DLGAP2: variants seen among roughly 807,000 people sequenced by gnomAD.
DLGAP2 encodes the protein disks large-associated protein 2.
In DLGAP2, 26 loss-of-function variants were observed where a neutral mutation model predicts 100.3. The ratio of observed to expected loss-of-function variants is 0.26; its 90% CI spans 0.19 to 0.36. The LOEUF is 0.36. Among genes scored for constraint, DLGAP2 ranks in the 10% least tolerant of loss-of-function variants. DLGAP2 has a pLI of 1.00. For synonymous variants in DLGAP2, 886 were observed against 630.1 expected, an observed-to-expected ratio of 1.41 and a Z score of -6.08; for missense variants, 1,858 against 1,453.2, an observed-to-expected ratio of 1.28 and a Z score of -4.53.
intron 2 of DLGAP2, among the ~76,000 whole-genome samples, chr8:1,123,263 G>A (rs1260278088): frequency 6.6e-6 from 1 of 152,100 alleles, no homozygotes; most frequent in African/African-American, 2.4e-5. Flanking sequence ...AAAGAATAAT[G>A]AAAAATGTTT....
intron 2 of DLGAP2, among the ~76,000 whole-genome samples, chr8:1,256,999 G>A (rs947344286): frequency 3.3e-5 from 5 of 152,038 alleles, no homozygotes; most frequent in Admixed American, 1.3e-4. Flanking sequence ...TCCTGCGTCC[G>A]ATGGCTTCTA....
At chr8:1,001,838 T>C (rs1800966367) in intron 2 of DLGAP2, among the ~76,000 whole-genome samples, 1 of 152,154 alleles carries the variant, frequency 6.6e-6, no homozygotes, top group Non-Finnish European at 1.5e-5. Context: ...TCAGAACAGA[T>C]CCTGGCCTGA....
intron 1 of DLGAP2, among the ~76,000 whole-genome samples, chr8:852,735 A>G (rs1409918051): frequency 6.6e-6 from 1 of 152,226 alleles, no homozygotes; most frequent in East Asian, 1.9e-4. Context: ...ACCCAAACCC[A>G]GCAAGGCTGA....
intron 2 of DLGAP2, among the ~76,000 whole-genome samples, chr8:1,156,102 C>G (rs1367486536): frequency 6.6e-6 from 1 of 152,162 alleles, no homozygotes. Context: ...ACAGCCGAGC[C>G]CTGTTTCAGG....
chr8:1,606,382 A>G (rs1173248984), intron 6 of DLGAP2, among the ~76,000 whole-genome samples: 2 of 152,112 alleles, frequency 1.3e-5, no homozygotes, highest in East Asian at 3.9e-4. Context: ...TTACACCAAA[A>G]AGAAACCCTG....
intron 3 of DLGAP2, among the ~76,000 whole-genome samples, chr8:1,339,845 A>G (rs1801378741): frequency 6.6e-6 from 1 of 152,234 alleles, no homozygotes; most frequent in Non-Finnish European, 1.5e-5. Context: ...AGCTCTGATA[A>G]TAGATAAAAG....
At chr8:1,154,961 A>T (rs959114901) in intron 2 of DLGAP2, among the ~76,000 whole-genome samples, 4 of 152,050 alleles carry the variant, frequency 2.6e-5, no homozygotes, top group Non-Finnish European at 4.4e-5. Context: ...GCAGCCCCTC[A>T]CCAGGACGTG....
chr8:1,630,922 TCCGGGTGTCCCGAGGGTCTC>T lies in DLGAP2; in HGVS notation c.1591-1904_1591-1885del, dbSNP rs1453007559. Among the ~76,000 whole-genome samples, 15 of 146,136 alleles carry T rather than the reference TCCGGGTGTCCCGAGGGTCTC, an allele frequency of 1.0e-4. No individual in the cohort carries two copies. In the East Asian group the frequency reaches 3.3e-3, roughly 32 times the overall value. ...GTGTCCCGAGGGTCTGGGCGGGAGG[TCCGGGTGTCCCGAGGGTCTC>T]GGCGGGAGGTCCCAGTGTCCCGAGG... On this transcript the variant is annotated intron_variant, in intron 7 of 14. Coordinates refer to ENST00000637795, the MANE Select transcript of DLGAP2 (RefSeq NM_001346810.2).
intron 2 of DLGAP2, among the ~76,000 whole-genome samples, chr8:1,190,676 C>A (rs960965991): frequency 1.3e-5 from 2 of 152,148 alleles, no homozygotes; most frequent in Non-Finnish European, 2.9e-5. Context: ...CTCATCCTCC[C>A]AACCCCGTGT....
intron 3 of DLGAP2, among the ~76,000 whole-genome samples, chr8:1,272,925 T>C (rs1799611798): frequency 6.6e-6 from 1 of 151,910 alleles, no homozygotes; most frequent in Admixed American, 6.6e-5. Flanking sequence ...ACGTAAAAGG[T>C]GAAAAGAGGA....
At chr8:1,408,077 G>T (rs1796623761) in intron 3 of DLGAP2, among the ~76,000 whole-genome samples, 1 of 152,214 alleles carries the variant, frequency 6.6e-6, no homozygotes, top group Non-Finnish European at 1.5e-5. Flanking sequence ...GCCCCCCAGG[G>T]GATAGAATCG....
chr8:1,113,876 T>A (rs184243794), intron 2 of DLGAP2, among the ~76,000 whole-genome samples: 175 of 152,320 alleles, frequency 1.1e-3, no homozygotes, highest in African/African-American at 4.1e-3. Context: ...GTTCCTTCAA[T>A]ACCTAGTATA....
At chr8:1,641,555 G>C (rs1305474806) in intron 8 of DLGAP2, among the ~76,000 whole-genome samples, 10 of 152,098 alleles carry the variant, frequency 6.6e-5, no homozygotes, top group Admixed American at 6.5e-4. Context: ...TCATAGTCCA[G>C]GGCTCTTGCA....
chr8:1,120,577 T>C (rs1455946462), intron 2 of DLGAP2, among the ~76,000 whole-genome samples: 1 of 151,942 alleles, frequency 6.6e-6, no homozygotes, highest in Non-Finnish European at 1.5e-5. Context: ...TCCTTGTCCA[T>C]TAGGACCCAT....
chr8:1,501,487 T>G (rs901090248), intron 4 of DLGAP2, 56 bp downstream of exon 4: 17 of 1,492,040 alleles, frequency 1.1e-5, no homozygotes, highest in Non-Finnish European at 1.4e-5. Context: ...CCGGGCATGC[T>G]CCGGGCACCT....
Position 1,701,517 on chromosome 8 carries a change from TCCCGCGCTC to T in DLGAP2, c.*119_*127del. On this transcript the variant is annotated 3_prime_UTR_variant, in exon 15 of 15. Transcript: ENST00000637795. ...CTCCTCCCGCTGAACACGTCCTCGCTCCCGCGCTCCCCGCGCCCCGGACACAGCGGGACG... is the reference window on the plus strand; with the variant it reads ...CTCCTCCCGCTGAACACGTCCTCGCTCCCGCGCCCCGGACACAGCGGGACG... 1 of 1,171,986 alleles carries T rather than the reference TCCCGCGCTC, an allele frequency of 8.5e-7. No individual in the cohort carries two copies. 72.6% of individuals were successfully genotyped at this position (1,171,986 alleles called of 1,614,324 possible).
chr8:1,197,218 C>A (rs55856264), intron 2 of DLGAP2, among the ~76,000 whole-genome samples: 149 of 50,666 alleles, frequency 2.9e-3, no homozygotes, highest in South Asian at 0.012. Flanking sequence ...GCAGAGTCCA[C>A]TTCAGGTCTC....
chr8:1,200,699 G>T (rs373335979), intron 2 of DLGAP2, among the ~76,000 whole-genome samples: 7 of 151,768 alleles, frequency 4.6e-5, no homozygotes, highest in African/African-American at 1.5e-4. Flanking sequence ...TTCAAAGGTT[G>T]GATCTTATTT....
At chr8:1,103,455 G>A (rs1804654172) in intron 2 of DLGAP2, among the ~76,000 whole-genome samples, 2 of 149,814 alleles carry the variant, frequency 1.3e-5, no homozygotes, top group African/African-American at 5.0e-5. Context: ...TGACTGGCGG[G>A]GCCTTGGTTA....
Sources: allele counts gnomAD v4.1 joint callset (sites outside exome capture counted in the v4.1 genomes callset), GRCh38; gene constraint gnomAD v4.1.1; transcripts MANE v1.5; gene names NCBI Gene and HGNC (gene_info 2026-07-23, HGNC 2026-07-21).